The following SAMD11 variants were observed in gnomAD, a reference collection of about 807,000 sequenced individuals.
SAMD11 encodes the protein sterile alpha motif domain-containing protein 11.
Under a neutral mutation model 64.4 loss-of-function variants are expected in SAMD11, and 77 were observed. The ratio of observed to expected loss-of-function variants is 1.20; its 90% CI spans 0.99 to 1.44. The LOEUF (loss-of-function observed/expected upper bound fraction) is 1.44, where lower values mean the gene tolerates loss of function less well. Ranked by LOEUF, SAMD11 falls within the 40% of genes most tolerant of loss-of-function variation. SAMD11 has a pLI of 0.00. For missense variants in SAMD11, 1,402 were observed against 943.3 expected (o/e 1.49, Z -6.37); for synonymous variants, 658 against 421.9 (o/e 1.56, Z -6.86).
chr1:935,744 G>C, intron 4 of SAMD11, 28 bp from the exon 5 acceptor site: 1 of 1,612,624 alleles, frequency 6.2e-7, no homozygotes, highest in Admixed American at 1.7e-5. Flanking sequence ...TGCCCACGGG[G>C]TCAGCTTTTC....
chr1:939,695 G>A (rs1388025154), intron 7 of SAMD11, among the ~76,000 whole-genome samples: 1 of 152,192 alleles, frequency 6.6e-6, no homozygotes, highest in Non-Finnish European at 1.5e-5. Flanking sequence ...GGTGGACCCA[G>A]GTGAGGGTGG....
rs1046219267 is a variant in SAMD11, at chr1:942,710, C to T, written c.1705C>T (p.Pro569Ser). ...GCTGGTGCTGAACCACGGCGCGGCGCCACTGCTGGCCCTGCCCCCCCAGGG... is the reference window on the plus strand; with the variant it reads ...GCTGGTGCTGAACCACGGCGCGGCGTCACTGCTGGCCCTGCCCCCCCAGGG... ...ALLVLNHGAA[P>S]LLALPPQGPP... is the part of the protein sequence containing the mutation. Residue 569 changes from proline to serine, a missense_variant, in exon 11 of 14, where the codon CCA becomes TCA. Transcript: ENST00000616016. 1.1e-5 allele frequency: 16 copies of T among 1,440,258 alleles called. No homozygotes were observed. In the East Asian group the frequency reaches 1.7e-4, roughly 16 times the overall value. The allele number at this position is 1,440,258 out of a possible 1,614,324, so 89.2% of individuals were successfully genotyped here.
At chr1:925,036 G>A (rs61464428) in intron 1 of SAMD11, 88 bp downstream of exon 1, 92,287 of 151,900 alleles carry the variant, frequency 0.61, 30,943 homozygotes, top group Non-Finnish European at 0.76. Flanking sequence ...CCTCCGGCTC[G>A]GCCGAGGGGG....
chr1:932,630 C>T (rs539531468), intron 4 of SAMD11, among the ~76,000 whole-genome samples: 1 of 152,162 alleles, frequency 6.6e-6, no homozygotes, highest in East Asian at 1.9e-4. Flanking sequence ...TCAGCCTGTC[C>T]CTGGGTCCTT....
rs899000751 is a variant in SAMD11 at position 942,661 on chromosome 1, G to A, written c.1656G>A (p.Glu552=). Residue 552 remains glutamate, a synonymous_variant, in exon 11 of 14, where the codon GAG becomes GAA. Transcript: ENST00000616016. ...CCCTGCGCCCCAACGACGGCGCCGA[G>A]GAGCTGCAGCGGCGCGGGGCCCTGC... ...ETALRPNDGA[E]ELQRRGALLV... The A allele has an allele frequency of 2.7e-5, 38 of 1,433,334 alleles. No homozygotes were observed. The highest frequency in any genetic ancestry group is 2.9e-5 in the Non-Finnish European group (32 of 1,100,996). 88.8% of individuals were successfully genotyped at this position (1,433,334 alleles called of 1,614,324 possible).
chr1:928,914 C>A (rs1315546912), intron 2 of SAMD11, among the ~76,000 whole-genome samples: 1 of 152,204 alleles, frequency 6.6e-6, no homozygotes, highest in Non-Finnish European at 1.5e-5. Context: ...ACCCTCCTAA[C>A]AGCCTCATCC....
In SAMD11 at chr1:942,497, G is replaced by A; in HGVS notation, c.1553+9G>A. The stretch of plus-strand genomic sequence containing the variant: ...AAGCAGAACCTGGCCCGGTAGGTGC[G>A]GGGAGGCGGGCGGGGCCGCGCGGCC... On this transcript the variant is annotated intron_variant, in intron 10 of 13. Transcript: ENST00000616016. 2.0e-6 allele frequency: 3 copies of A among 1,467,076 alleles called. No individual in the cohort carries two copies. In the Middle Eastern group the frequency reaches 7.2e-4, roughly 350 times the overall value. The allele number at this position is 1,467,076 out of a possible 1,614,324, so 90.9% of individuals were successfully genotyped here. A position where few individuals can be genotyped will look rare whatever the true frequency, so the allele number is the denominator to read the frequency against.
At chr1:931,327 G>T (rs1261710481) in intron 4 of SAMD11, among the ~76,000 whole-genome samples, 1 of 152,172 alleles carries the variant, frequency 6.6e-6, no homozygotes, top group East Asian at 1.9e-4. Context: ...TGCAGCTCTC[G>T]GCAGCAGCTC....
intron 7 of SAMD11, among the ~76,000 whole-genome samples, chr1:940,663 C>T (rs1641708464): frequency 6.6e-6 from 1 of 152,164 alleles, no homozygotes; most frequent in Non-Finnish European, 1.5e-5. Flanking sequence ...TGGGCGACCC[C>T]TGTGCTAGTG....
chr1:925,988 C>G lies in SAMD11; in HGVS notation c.584C>G (p.Pro195Arg), dbSNP rs570990841. 4 of 1,612,000 alleles carry G rather than the reference C, an allele frequency of 2.5e-6. No individual in the cohort carries two copies. Among genetic ancestry groups the G allele is most frequent in the South Asian group, 1.1e-5 (1 of 91,086 alleles). Residue 195 changes from proline (P) to arginine (R), a missense_variant, in exon 2 of 14, where the codon CCG (proline) becomes CGG (arginine). Pro to Arg is a moderately radical substitution (Grantham distance 103, BLOSUM62 -2). Coordinates refer to ENST00000616016, the MANE Select transcript of SAMD11 (RefSeq NM_001385641.1). ...GTGCATCCTCCGATCTGCGACTGCC[C>G]GGGCTGCCGAATATCCTCCCCGGTG... ...LQVHPPICDC[P>R]GCRISSPVNR...
At chr1:940,843 T>C (rs1467214531) in intron 7 of SAMD11, among the ~76,000 whole-genome samples, 2 of 152,182 alleles carry the variant, frequency 1.3e-5, no homozygotes, top group African/African-American at 4.8e-5. Flanking sequence ...CTCTGTGGCC[T>C]CGGGACGTCT....
rs778721643 is a variant in SAMD11 at position 944,188 on chromosome 1, TCCAGGAG to T, written c.*39_*45del. 98 of 1,508,272 alleles carry T rather than the reference TCCAGGAG, an allele frequency of 6.5e-5. 1 individual carries two copies. The highest frequency in any genetic ancestry group is 8.7e-5 in the Non-Finnish European group (98 of 1,128,898). The allele number at this position is 1,508,272 out of a possible 1,614,324, so 93.4% of individuals were successfully genotyped here. On this transcript the variant is annotated 3_prime_UTR_variant, in exon 14 of 14. Transcript: ENST00000616016. ...GGGTAGGGGTGGGGCCACACAAATC[TCCAGGAG>T]CCACCACTCAACACAATGGCCCTGC...
rs560932185 is a variant in SAMD11, at chr1:928,164, C to T, written c.610-1991C>T. ...ATCCCAGCACTTTGGGAGGCCGAGG[C>T]GGGCGGATCACGAGGTCAGGAGATC... On this transcript the variant is annotated intron_variant, in intron 2 of 13. Coordinates refer to ENST00000616016, the MANE Select transcript of SAMD11 (RefSeq NM_001385641.1). 2.1e-3 allele frequency among the ~76,000 whole-genome samples: 321 copies of T among 151,898 alleles called. 2 individuals are homozygous for T. Among genetic ancestry groups the T allele is most frequent in the African/African-American group, 4.6e-3 (190 of 41,548 alleles).
At position 930,156 on chromosome 1, in the gene SAMD11, A is replaced by AC; in HGVS notation, c.613dup (p.Arg205ProfsTer32). 6.4e-7 allele frequency: 1 copy of AC among 1,553,958 alleles called. No individual in the cohort carries two copies. Among genetic ancestry groups the AC allele is most frequent in the Non-Finnish European group, 8.7e-7 (1 of 1,149,180 alleles). ...CTTCCTCTCCTCCTGCCCCACCAGA[A>AC]CCGGGGGCGGCTGGCAGACAAGAGG... On this transcript the variant is annotated frameshift_variant and splice_region_variant, in exon 3 of 14. Coordinates refer to ENST00000616016, the MANE Select transcript of SAMD11 (RefSeq NM_001385641.1). LOFTEE classifies it high-confidence loss of function.
chr1:944,278 A>T lies in SAMD11; in HGVS notation c.*125A>T. 1 of 1,436,840 alleles carries T rather than the reference A, an allele frequency of 7.0e-7. No homozygotes were observed. The highest frequency in any genetic ancestry group is 9.1e-7 in the Non-Finnish European group (1 of 1,097,498). 89.0% of individuals were successfully genotyped at this position (1,436,840 alleles called of 1,614,324 possible). On this transcript the variant is annotated 3_prime_UTR_variant, in exon 14 of 14. Coordinates refer to ENST00000616016, the MANE Select transcript of SAMD11 (RefSeq NM_001385641.1). ...GCAAAACAAAAAATTTTAAAAGAAAATGTGACTTCAAAGGAAAGGAACAAA... is the reference window on the plus strand; with the variant it reads ...GCAAAACAAAAAATTTTAAAAGAAATTGTGACTTCAAAGGAAAGGAACAAA...
intron 5 of SAMD11, among the ~76,000 whole-genome samples, chr1:937,002 G>A (rs1318687925): frequency 1.3e-5 from 2 of 152,140 alleles, no homozygotes; most frequent in African/African-American, 4.8e-5. Flanking sequence ...GATGGGGGTT[G>A]CCCGGCAGCT....
Position 944,172 on chromosome 1 carries a change from T to G in SAMD11, c.*19T>G. The G allele has an allele frequency of 2.0e-6, 3 of 1,523,890 alleles. No homozygotes were observed. Among genetic ancestry groups the G allele is most frequent in the Non-Finnish European group, 8.8e-7 (1 of 1,135,464 alleles). The allele number at this position is 1,523,890 out of a possible 1,614,324, so 94.4% of individuals were successfully genotyped here. On this transcript the variant is annotated 3_prime_UTR_variant, in exon 14 of 14. Coordinates refer to ENST00000616016, the MANE Select transcript of SAMD11 (RefSeq NM_001385641.1). The stretch of plus-strand genomic sequence containing the variant: ...GTGTTGAGGTTGCCGGGGGTAGGGG[T>G]GGGGCCACACAAATCTCCAGGAGCC...
At chr1:928,189 C>G (rs150604687) in intron 2 of SAMD11, among the ~76,000 whole-genome samples, 5,366 of 152,132 alleles carry the variant, frequency 0.035, 127 homozygotes, top group Non-Finnish European at 0.05. Flanking sequence ...GTCAGGAGAT[C>G]GAGACCATCC....
At position 937,307 on chromosome 1, in the gene SAMD11, C is replaced by G. The variant is rs76166080; in HGVS notation, c.967+1411C>G. Among the ~76,000 whole-genome samples the G allele has an allele frequency of 2.4e-4, 36 of 152,236 alleles. No homozygotes were observed. In the East Asian group the frequency reaches 6.6e-3, roughly 28 times the overall value. On this transcript the variant is annotated intron_variant, in intron 5 of 13. Transcript: ENST00000616016. The stretch of plus-strand genomic sequence containing the variant: ...GACTCAGAGCAGGTCCTGCATCTGC[C>G]TCTGTGAGACCCGCTGGGGTCCATG...
Sources: gnomAD v4.1 joint callset for allele counts (sites outside exome capture counted in the v4.1 genomes callset) on GRCh38, gnomAD v4.1.1 for gene constraint, MANE v1.5 for transcripts, NCBI Gene and HGNC (gene_info 2026-07-23, HGNC 2026-07-21) for gene names.